ZNG1E: variants seen among roughly 807,000 people sequenced by gnomAD.
The protein encoded by ZNG1E is Zn regulated GTPase metalloprotein activator 1E.
the ZNG1E span, among the ~76,000 whole-genome samples, chr9:65,686,667 C>T: frequency 1.3e-5 from 2 of 152,186 alleles, no homozygotes; most frequent in African/African-American, 4.8e-5. Flanking sequence ...AAAAATAAGT[C>T]TGTTACTTAG....
At chr9:65,684,550 G>GCACGCACACA in the ZNG1E span, among the ~76,000 whole-genome samples, 235 of 132,812 alleles carry the variant, frequency 1.8e-3, no homozygotes, top group African/African-American at 6.5e-3. Flanking sequence ...ACACACGCAC[G>GCACGCACACA]CACACACACA....
chr9:65,661,096 C>T, the ZNG1E span, among the ~76,000 whole-genome samples: 26 of 148,630 alleles, frequency 1.7e-4, no homozygotes, highest in African/African-American at 2.8e-4. Flanking sequence ...TAGATATATA[C>T]GTTTTTTAAA....
At chr9:65,684,927 G>T in the ZNG1E span, among the ~76,000 whole-genome samples, 1 of 152,158 alleles carries the variant, frequency 6.6e-6, no homozygotes, top group Admixed American at 6.6e-5. Flanking sequence ...TGATGTGACA[G>T]GCCTGTAGTC....
the ZNG1E span, among the ~76,000 whole-genome samples, chr9:65,675,288 T>A: frequency 6.6e-6 from 1 of 152,226 alleles, no homozygotes; most frequent in Non-Finnish European, 1.5e-5. Flanking sequence ...GGATTAGTGA[T>A]GAGAGTGTCA....
At chr9:65,661,986 T>C in the ZNG1E span, among the ~76,000 whole-genome samples, 6 of 152,362 alleles carry the variant, frequency 3.9e-5, no homozygotes, top group East Asian at 7.7e-4. Flanking sequence ...GACATTTACA[T>C]AGTTTCAAAG....
At chr9:65,691,506 A>G in the ZNG1E span, among the ~76,000 whole-genome samples, 1 of 152,176 alleles carries the variant, frequency 6.6e-6, no homozygotes, top group Non-Finnish European at 1.5e-5. Context: ...TTGTTCATAT[A>G]GATTAAAAAA....
the ZNG1E span, among the ~76,000 whole-genome samples, chr9:65,665,403 C>A: frequency 6.6e-6 from 1 of 152,276 alleles, no homozygotes; most frequent in Non-Finnish European, 1.5e-5. Flanking sequence ...GCCTTGGCAG[C>A]TTCCACATGG....
the ZNG1E span, chr9:65,708,230 T>C: frequency 6.8e-6 from 1 of 146,686 alleles, no homozygotes; most frequent in African/African-American, 2.7e-5. Flanking sequence ...AAATTTGCTT[T>C]TTTATATTTA....
At chr9:65,716,394 G>C in the ZNG1E span, among the ~76,000 whole-genome samples, 3 of 151,692 alleles carry the variant, frequency 2.0e-5, no homozygotes, top group African/African-American at 7.3e-5. Context: ...CTGGGCTCAA[G>C]TGATCCTCAT....
At chr9:65,675,372 A>G in the ZNG1E span, among the ~76,000 whole-genome samples, 1 of 150,064 alleles carries the variant, frequency 6.7e-6, no homozygotes, top group Admixed American at 6.7e-5. Context: ...AGTAAATAAA[A>G]GTGATGCATG....
the ZNG1E span, among the ~76,000 whole-genome samples, chr9:65,727,099 C>T: frequency 2.0e-3 from 272 of 134,326 alleles, 1 homozygote; most frequent in Admixed American, 7.5e-3. Context: ...CCTCCTCAAA[C>T]AAAACAATTA....
the ZNG1E span, among the ~76,000 whole-genome samples, chr9:65,700,074 T>C: frequency 6.1e-5 from 9 of 148,214 alleles, 1 homozygote; most frequent in African/African-American, 2.1e-4. Flanking sequence ...GTTAGCGGAT[T>C]AGGAGTAAAC....
the ZNG1E span, among the ~76,000 whole-genome samples, chr9:65,678,186 C>G: frequency 1.5e-5 from 2 of 136,492 alleles, no homozygotes; most frequent in African/African-American, 5.5e-5. Flanking sequence ...TTTCAGTTTT[C>G]ACATCACTGC....
the ZNG1E span, among the ~76,000 whole-genome samples, chr9:65,666,961 C>G: frequency 6.6e-6 from 1 of 151,882 alleles, no homozygotes; most frequent in Non-Finnish European, 1.5e-5. Flanking sequence ...GCTGGGATTA[C>G]AGGAGTGTGC....
the ZNG1E span, chr9:65,707,938 C>T: frequency 6.7e-6 from 1 of 149,584 alleles, no homozygotes; most frequent in Non-Finnish European, 1.5e-5. Context: ...CGGCTCACTG[C>T]AACCTCCACT....
chr9:65,654,999 TTC>T, the ZNG1E span, among the ~76,000 whole-genome samples: 1 of 152,264 alleles, frequency 6.6e-6, no homozygotes, highest in Non-Finnish European at 1.5e-5. Flanking sequence ...GCAAAGAGGA[TTC>T]TGTTTGTGCT....
chr9:65,663,755 G>T, the ZNG1E span, among the ~76,000 whole-genome samples: 1 of 151,400 alleles, frequency 6.6e-6, no homozygotes, highest in Non-Finnish European at 1.5e-5. Context: ...TCCATACAAA[G>T]GTTGCTAACA....
chr9:65,664,287 C>T, the ZNG1E span, among the ~76,000 whole-genome samples: 1 of 151,210 alleles, frequency 6.6e-6, no homozygotes, highest in South Asian at 2.1e-4. Flanking sequence ...GCTGTGTCCC[C>T]ACCCAAATCT....
At chr9:65,728,609 G>A in the ZNG1E span, among the ~76,000 whole-genome samples, 1 of 148,290 alleles carries the variant, frequency 6.7e-6, no homozygotes, top group Non-Finnish European at 1.5e-5. Context: ...GCATAAACTA[G>A]AAAACCTAAA....
Sources: allele counts gnomAD v4.1 joint callset (sites outside exome capture counted in the v4.1 genomes callset), GRCh38; gene constraint gnomAD v4.1.1; transcripts MANE v1.5; gene names NCBI Gene and HGNC (gene_info 2026-07-23, HGNC 2026-07-21).